Variants in NOS2 observed in about 807,000 individuals in gnomAD.
NOS2 encodes the protein nitric oxide synthase 2, also known as nitric oxide synthase, inducible.
Under a neutral mutation model 136.0 loss-of-function variants are expected in NOS2, and 96 were observed. The ratio of observed to expected loss-of-function variants is 0.71; its 90% CI spans 0.60 to 0.84. The LOEUF (loss-of-function observed/expected upper bound fraction) is 0.84, where lower values mean the gene tolerates loss of function less well. NOS2 is among the 40% of genes least tolerant of loss of function. NOS2 has a pLI of 0.00. For synonymous variants in NOS2, 539 were observed against 587.5 expected, an observed-to-expected ratio of 0.92 and a Z score of 1.20; for missense variants, 1,237 against 1,496.9, an observed-to-expected ratio of 0.83 and a Z score of 2.87.
intron 2 of NOS2, chr17:27,793,799 A>AGCGGGGGCGGGGCGAGCCGT (rs1290638116): frequency 2.7e-6 from 1 of 375,996 alleles, no homozygotes; most frequent in Non-Finnish European, 4.7e-6. Flanking sequence ...GGGCGAGCCG[A>AGCGGGGGCGGGGCGAGCCGT]GCAGCGGCGG....
intron 16 of NOS2, 69 bp downstream of exon 16, chr17:27,769,465 TC>T (rs1234542607): frequency 3.0e-6 from 4 of 1,345,024 alleles, no homozygotes; most frequent in Non-Finnish European, 3.2e-6. Context: ...CACACCCAGT[TC>T]CATCCCCTGA....
intron 21 of NOS2, 95 bp from the exon 22 acceptor site, chr17:27,763,100 C>T: frequency 2.4e-6 from 2 of 844,120 alleles, no homozygotes; most frequent in Non-Finnish European, 3.7e-6. Context: ...CATTCACTCA[C>T]TCAACAAACA....
At chr17:27,777,073 C>T (rs1165708476) in intron 11 of NOS2, among the ~76,000 whole-genome samples, 1 of 152,190 alleles carries the variant, frequency 6.6e-6, no homozygotes, top group African/African-American at 2.4e-5. Context: ...GGTGCAAAGC[C>T]AGCCCTTCCC....
intron 9 of NOS2, 33 bp downstream of exon 9, chr17:27,780,734 C>T: frequency 2.5e-6 from 4 of 1,613,972 alleles, no homozygotes; most frequent in Non-Finnish European, 3.4e-6. Flanking sequence ...TGTGTTGACT[C>T]GCCCTTGCCC....
rs148013037 is a variant in NOS2, at chr17:27,772,150, TC to T, written c.1704+157del. ...CTCATCTACTGTGTAAGTTTTGGAA[TC>T]CCTGCACACAAGTCTTTCCTTCTCT... On this transcript the variant is annotated intron_variant, in intron 14 of 26. Transcript: ENST00000313735. 2.8e-4 allele frequency among the ~76,000 whole-genome samples: 42 copies of T among 152,330 alleles called. No homozygotes were observed. The East Asian group carries it at 5.8e-3, about 21-fold the overall frequency.
At chr17:27,785,851 CAGGAAGCTGTGGTGGG>C (rs1247929776) in intron 5 of NOS2, among the ~76,000 whole-genome samples, 1 of 148,902 alleles carries the variant, frequency 6.7e-6, no homozygotes, top group African/African-American at 2.5e-5. Flanking sequence ...CCCAGCTCCT[CAGGAAGCTGTGGTGGG>C]AGGATTACTT....
At chr17:27,764,734 T>G (rs1233253823) in intron 20 of NOS2, among the ~76,000 whole-genome samples, 1 of 152,236 alleles carries the variant, frequency 6.6e-6, no homozygotes, top group East Asian at 1.9e-4. Flanking sequence ...CCTATCTTGC[T>G]GGGTTGGCAT....
chr17:27,770,912 C>T lies in NOS2; in HGVS notation c.1809+1G>A, dbSNP rs1908472356. 1 of 1,612,666 alleles carries T rather than the reference C, an allele frequency of 6.2e-7. No individual in the cohort carries two copies. Among genetic ancestry groups the T allele is most frequent in the Non-Finnish European group, 8.5e-7 (1 of 1,178,876 alleles). ...GACCAGCCAGACCTCAAGCCACCCA[C>T]CTCTCCATTGCCAGGGCAGTCTCCA... is the stretch of plus-strand genomic sequence containing the variant. On this transcript the variant is annotated splice_donor_variant, in intron 15 of 26. Transcript: ENST00000313735. LOFTEE classifies it high-confidence loss of function.
At chr17:27,793,200 TG>T (rs1335418320) in intron 2 of NOS2, among the ~76,000 whole-genome samples, 1 of 9,358 alleles carries the variant, frequency 1.1e-4, no homozygotes, top group African/African-American at 4.5e-4. Flanking sequence ...ATGGGGAGGG[TG>T]GGGGGGATGG....
Position 27,780,281 on chromosome 17 carries a change from C to T in NOS2, c.1004+486G>A, listed in dbSNP as rs557554909. Among the ~76,000 whole-genome samples the T allele has an allele frequency of 2.0e-5, 3 of 152,300 alleles. No individual in the cohort carries two copies. In the South Asian group the frequency reaches 6.2e-4, roughly 32 times the overall value. On this transcript the variant is annotated intron_variant, in intron 9 of 26. Coordinates refer to ENST00000313735, the MANE Select transcript of NOS2 (RefSeq NM_000625.4). ...TCAACGGCCAGGAAGAAGAGCCCAG[C>T]CCAATGTCTGCTACAGAGTAAATCT...
At chr17:27,791,623 C>T (rs1164021548) in intron 2 of NOS2, among the ~76,000 whole-genome samples, 2 of 152,082 alleles carry the variant, frequency 1.3e-5, no homozygotes, top group African/African-American at 2.4e-5. Flanking sequence ...GGCCCAATCT[C>T]TCTCCTCCAC....
Position 27,764,024 on chromosome 17 carries a change from G to A in NOS2, c.2549C>T (p.Ala850Val). 6.2e-7 allele frequency: 1 copy of A among 1,613,640 alleles called. No individual in the cohort carries two copies. The change falls in exon 21 of 27, where the codon GCC (alanine) becomes GTC (valine). Residue 850 changes from alanine (A) to valine (V), a missense_variant. Around this residue, in one of 3 missense-constraint regions of NOS2, gnomAD observed 782 missense variants for 909.9 expected, o/e 0.86. Coordinates refer to ENST00000313735, the MANE Select transcript of NOS2 (RefSeq NM_000625.4). ...CCTCTGTCTCTCAGGCTCTTCTGTGGCCACCTGGGCCAGCTTTTGGAGCAG... is the reference window on the plus strand; with the variant it reads ...CCTCTGTCTCTCAGGCTCTTCTGTGACCACCTGGGCCAGCTTTTGGAGCAG... The part of the protein sequence containing the change: ...QLLLQKLAQV[A>V]TEEPERQRLE...
In NOS2 at chr17:27,787,011, G is replaced by T. The variant is rs116201253; in HGVS notation, c.467+667C>A. On this transcript the variant is annotated intron_variant, in intron 5 of 26. Transcript: ENST00000313735. ...CATAGAAATGAAGGATGTCTAGCAT[G>T]GTCCTCAGGGAAGCCTCACTGGGTA... 1.9e-3 allele frequency among the ~76,000 whole-genome samples: 283 copies of T among 152,320 alleles called. 2 individuals carry two copies. Among genetic ancestry groups the T allele is most frequent in the African/African-American group, 6.4e-3 (265 of 41,570 alleles).
Position 27,764,008 on chromosome 17 carries a change from C to G in NOS2, c.2565G>C (p.Glu855Asp), listed in dbSNP as rs1908217054. The G allele has an allele frequency of 1.9e-6, 3 of 1,613,666 alleles. No individual in the cohort carries two copies. The South Asian group carries it at 3.3e-5, about 18-fold the overall frequency. The change falls in exon 21 of 27, where the codon GAG becomes GAC. Residue 855 changes from glutamate (E) to aspartate (D), a missense_variant. Coordinates refer to ENST00000313735, the MANE Select transcript of NOS2 (RefSeq NM_000625.4). ...KLAQVATEEP[E>D]RQRLEALCQP... ...GGCACAGGGCCTCCAGCCTCTGTCT[C>G]TCAGGCTCTTCTGTGGCCACCTGGG... is the stretch of plus-strand genomic sequence containing the variant.
chr17:27,779,611 T>C (rs747394616), intron 9 of NOS2, among the ~76,000 whole-genome samples: 10 of 152,198 alleles, frequency 6.6e-5, no homozygotes, highest in Non-Finnish European at 1.0e-4. Flanking sequence ...ATTTATTAAA[T>C]TATGCATTCA....
At chr17:27,783,739 C>T (rs1345834702) in intron 5 of NOS2, among the ~76,000 whole-genome samples, 2 of 152,304 alleles carry the variant, frequency 1.3e-5, no homozygotes, top group East Asian at 3.9e-4. Flanking sequence ...AGCACCAGGC[C>T]CAGGAACATA....
At position 27,780,952 on chromosome 17, in the gene NOS2, TGTC is replaced by T. The variant is rs1908824085; in HGVS notation, c.865-49_865-47del. Reference sequence around the variant, plus strand: ...TGTGAGTCTGTAAGCCCGGGCTGCGTGTCTCCTCTGGGCTCCACTCTGTCACTC... The same window carrying T: ...TGTGAGTCTGTAAGCCCGGGCTGCGTTCCTCTGGGCTCCACTCTGTCACTC... On this transcript the variant is annotated intron_variant, in intron 8 of 26. Coordinates refer to ENST00000313735, the MANE Select transcript of NOS2 (RefSeq NM_000625.4). 3 of 1,598,398 alleles carry T rather than the reference TGTC, an allele frequency of 1.9e-6. No homozygotes were observed. In the African/African-American group the frequency reaches 4.0e-5, roughly 21 times the overall value.
At chr17:27,778,063 A>T (rs1908715108) in intron 11 of NOS2, among the ~76,000 whole-genome samples, 1 of 151,960 alleles carries the variant, frequency 6.6e-6, no homozygotes, top group African/African-American at 2.4e-5. Context: ...AGAAAGAAGA[A>T]AGTCGATGTC....
At chr17:27,767,936 C>A (rs2151327097) in intron 17 of NOS2, 99 bp from the exon 18 acceptor site, 3 of 1,478,638 alleles carry the variant, frequency 2.0e-6, no homozygotes, top group Middle Eastern at 4.8e-4. Flanking sequence ...GGGCCAAACA[C>A]TGAGCCGTGT....
Sources: gnomAD v4.1 joint callset for allele counts (sites outside exome capture counted in the v4.1 genomes callset) on GRCh38, gnomAD v4.1.1 for gene constraint, gnomAD v4.1.1 regional missense constraint, MANE v1.5 for transcripts, NCBI Gene and HGNC (gene_info 2026-07-23, HGNC 2026-07-21) for gene names.